The following RCOR3 variants were observed in gnomAD, a reference collection of about 807,000 sequenced individuals.
RCOR3 encodes REST corepressor 3.
RCOR3 carries 13 observed loss-of-function variants against 64.1 expected under a neutral mutation model. That is an observed-to-expected ratio of 0.20 (90% CI 0.13 to 0.32). RCOR3 has a LOEUF of 0.32. RCOR3 is among the 10% of genes least tolerant of loss of function. The pLI is 1.00. For missense variants in RCOR3, 489 were observed against 701.2 expected (o/e 0.70, Z 3.42); for synonymous variants, 215 against 239.0 (o/e 0.90, Z 0.93).
intron 1 of RCOR3, 173 bp from the exon 2 acceptor site, chr1:211,259,934 GC>G (rs1203089931): frequency 5.4e-5 from 11 of 205,284 alleles, no homozygotes; most frequent in Non-Finnish European, 7.1e-5. Context: ...GCCCCCCCCC[GC>G]TCCCCGCCCC....
Position 211,312,555 on chromosome 1 carries a change from C to A in RCOR3, c.1076-165C>A. ...ATGAAATGACATAACTGATAGTTTT[C>A]ATCTGTGACCCTGATATCTTAGCCT... On this transcript the variant is annotated intron_variant, in intron 10 of 11. Coordinates refer to ENST00000419091, the MANE Select transcript of RCOR3 (RefSeq NM_001136223.3). This position sits in a 1 kb window ranked among gnomAD's most constrained non-coding sequence, Gnocchi z 5.0. 1.5e-6 allele frequency: 1 copy of A among 666,454 alleles called. No homozygotes were observed. Among genetic ancestry groups the A allele is most frequent in the Admixed American group, 2.3e-5 (1 of 43,718 alleles). 41.3% of individuals were successfully genotyped at this position (666,454 alleles called of 1,614,324 possible).
At chr1:211,290,944 C>G (rs959572323) in intron 8 of RCOR3, among the ~76,000 whole-genome samples, 2 of 150,964 alleles carry the variant, frequency 1.3e-5, no homozygotes, top group African/African-American at 4.9e-5. Flanking sequence ...CCAGCTATAT[C>G]TTTTGCATTT....
At chr1:211,270,661 T>C (rs1382174159) in intron 2 of RCOR3, among the ~76,000 whole-genome samples, 1 of 152,122 alleles carries the variant, frequency 6.6e-6, no homozygotes, top group Non-Finnish European at 1.5e-5. Flanking sequence ...TTCTGTCAAG[T>C]AGAGATATGT....
At chr1:211,262,033 C>CTTTT (rs1196587722) in intron 2 of RCOR3, among the ~76,000 whole-genome samples, 29,921 of 65,060 alleles carry the variant, frequency 0.46, 11,295 homozygotes, top group Non-Finnish European at 0.49. Flanking sequence ...GCTATAAAAA[C>CTTTT]TTTTTTTTTT....
At chr1:211,298,896 A>G (rs1258874485) in intron 9 of RCOR3, among the ~76,000 whole-genome samples, 1 of 152,054 alleles carries the variant, frequency 6.6e-6, no homozygotes, top group Non-Finnish European at 1.5e-5. Flanking sequence ...AGTCCCAGCT[A>G]CTCGGGAGGC....
At chr1:211,285,264 G>A (rs573942939) in intron 7 of RCOR3, among the ~76,000 whole-genome samples, 11 of 152,288 alleles carry the variant, frequency 7.2e-5, no homozygotes, top group African/African-American at 2.2e-4. Context: ...AAAGAGAATC[G>A]TTTTTGTTTC....
At chr1:211,309,086 T>TGA (rs369747013) in intron 10 of RCOR3, among the ~76,000 whole-genome samples, 1 of 113,908 alleles carries the variant, frequency 8.8e-6, no homozygotes, top group Non-Finnish European at 1.7e-5. Context: ...TAGCTAAACA[T>TGA]AAAAAAAAAA....
intron 10 of RCOR3, among the ~76,000 whole-genome samples, chr1:211,308,717 T>G (rs6703822): frequency 0.053 from 56 of 1,060 alleles, 1 homozygote; most frequent in Admixed American, 0.19. Context: ...CCAAAATCAA[T>G]TTTTTTTTTT....
intron 4 of RCOR3, 65 bp downstream of exon 4, chr1:211,274,327 TG>T: frequency 8.7e-7 from 1 of 1,144,732 alleles, no homozygotes; most frequent in Non-Finnish European, 1.3e-6. Context: ...GATTATCTCA[TG>T]ATAGTTTCTG....
intron 2 of RCOR3, among the ~76,000 whole-genome samples, chr1:211,270,198 G>A (rs1027412732): frequency 6.6e-6 from 1 of 151,664 alleles, no homozygotes; most frequent in African/African-American, 2.4e-5. Context: ...CAAGTAGCTG[G>A]ATTACAGGTG....
At position 211,287,885 on chromosome 1, in the gene RCOR3, C is replaced by T. The variant is rs377089511; in HGVS notation, c.721-1293C>T. Among the ~76,000 whole-genome samples, 103 of 150,964 alleles carry T rather than the reference C, an allele frequency of 6.8e-4. 1 individual carries two copies. In the South Asian group the frequency reaches 0.021, roughly 31 times the overall value. On this transcript the variant is annotated intron_variant, in intron 7 of 11. Transcript: ENST00000419091. Reference sequence around the variant, plus strand: ...CAAAAAAAAAATTTTTTTTTGTTAACGAATTTTACTAAGAGTTCCTTTTCT... The same window carrying T: ...CAAAAAAAAAATTTTTTTTTGTTAATGAATTTTACTAAGAGTTCCTTTTCT...
intron 7 of RCOR3, among the ~76,000 whole-genome samples, chr1:211,285,463 C>T (rs543609072): frequency 3.3e-4 from 50 of 152,306 alleles, no homozygotes; most frequent in African/African-American, 1.1e-3. Flanking sequence ...GGAAACTACT[C>T]AGCTGTTTCT....
intron 10 of RCOR3, among the ~76,000 whole-genome samples, chr1:211,304,760 TG>T (rs1358064018): frequency 2.6e-5 from 4 of 152,244 alleles, no homozygotes; most frequent in African/African-American, 9.6e-5. Flanking sequence ...GAAGACTTTT[TG>T]TATTATGAAT....
chr1:211,300,536 T>A (rs1320239566), intron 9 of RCOR3, among the ~76,000 whole-genome samples: 1 of 152,244 alleles, frequency 6.6e-6, no homozygotes, highest in African/African-American at 2.4e-5. Flanking sequence ...TTATGTTCTC[T>A]TTTATAACTC....
At chr1:211,294,916 C>T (rs564976214) in intron 8 of RCOR3, among the ~76,000 whole-genome samples, 24 of 152,072 alleles carry the variant, frequency 1.6e-4, no homozygotes, top group East Asian at 1.2e-3. Context: ...CTTGCTTTGT[C>T]GCCTAGGCTA....
chr1:211,276,214 C>T, intron 4 of RCOR3, 43 bp from the exon 5 acceptor site: 1 of 1,574,046 alleles, frequency 6.4e-7, no homozygotes, highest in Non-Finnish European at 8.7e-7. Context: ...TGTGATGGAA[C>T]ATAAGTCCAT....
Position 211,306,368 on chromosome 1 carries a change from A to T in RCOR3, c.1075+2228A>T, listed in dbSNP as rs184033700. 1.8e-3 allele frequency among the ~76,000 whole-genome samples: 262 copies of T among 148,686 alleles called. 1 individual carries two copies. The highest frequency in any genetic ancestry group is 6.9e-3 in the Middle Eastern group (2 of 288). On this transcript the variant is annotated intron_variant, in intron 10 of 11. Coordinates refer to ENST00000419091, the MANE Select transcript of RCOR3 (RefSeq NM_001136223.3). ...AATTGTTTTTGTTTTTTCTTTTTTT[A>T]AAAAAAAAAGTATGGTAAACCTTCA...
intron 2 of RCOR3, among the ~76,000 whole-genome samples, chr1:211,268,983 A>G (rs1233823865): frequency 6.6e-6 from 1 of 152,228 alleles, no homozygotes. Context: ...ATATTATATT[A>G]TTGCCTGATA....
At position 211,312,624 on chromosome 1, in the gene RCOR3, T is replaced by C. The variant is rs1254930396; in HGVS notation, c.1076-96T>C. The C allele has an allele frequency of 2.3e-6, 2 of 860,356 alleles. No individual in the cohort carries two copies. The highest frequency in any genetic ancestry group is 3.4e-5 in the African/African-American group (2 of 59,356). The allele number at this position is 860,356 out of a possible 1,614,324, so 53.3% of individuals were successfully genotyped here. On this transcript the variant is annotated intron_variant, in intron 10 of 11. Transcript: ENST00000419091. The surrounding 1 kb of genome is among the most constrained non-coding windows in gnomAD (Gnocchi z 5.0). Reference sequence around the variant, plus strand: ...ATGAGCAGAGTTTATCAGAAAGGAATTTCATTGCTGGTATCTTTTGTGTGT... The same window carrying C: ...ATGAGCAGAGTTTATCAGAAAGGAACTTCATTGCTGGTATCTTTTGTGTGT...
Sources: allele counts gnomAD v4.1 joint callset (sites outside exome capture counted in the v4.1 genomes callset), GRCh38; gene constraint gnomAD v4.1.1; non-coding constraint Gnocchi (gnomAD v3.1); transcripts MANE v1.5; gene names NCBI Gene and HGNC (gene_info 2026-07-23, HGNC 2026-07-21).